KCNIP1: variants seen among roughly 807,000 people sequenced by gnomAD.
The protein encoded by KCNIP1 is A-type potassium channel modulatory protein KCNIP1.
Under a neutral mutation model 33.0 loss-of-function variants are expected in KCNIP1, and 18 were observed. The ratio of observed to expected loss-of-function variants is 0.55; its 90% CI spans 0.38 to 0.81. The LOEUF (loss-of-function observed/expected upper bound fraction) is 0.81. Ranked by LOEUF, KCNIP1 falls within the 30% of genes least tolerant of loss-of-function variation. The pLI is 0.00. For synonymous variants in KCNIP1, 93 were observed against 98.3 expected (o/e 0.95, Z 0.32); for missense variants, 238 against 271.6 (o/e 0.88, Z 0.87).
At chr5:170,368,333 C>A (rs1763752498) in intron 1 of KCNIP1, among the ~76,000 whole-genome samples, 1 of 152,138 alleles carries the variant, frequency 6.6e-6, no homozygotes, top group South Asian at 2.1e-4. Context: ...GGCGCAATCT[C>A]AGCTCACTGC....
chr5:170,622,649 C>CAG (rs1759649855), intron 1 of KCNIP1, among the ~76,000 whole-genome samples: 1 of 145,256 alleles, frequency 6.9e-6, no homozygotes, highest in South Asian at 2.2e-4. Flanking sequence ...AGAGTGGATA[C>CAG]AGAGAGGCAG....
intron 1 of KCNIP1, among the ~76,000 whole-genome samples, chr5:170,374,336 C>T (rs879291429): frequency 6.6e-6 from 1 of 152,190 alleles, no homozygotes; most frequent in Non-Finnish European, 1.5e-5. Flanking sequence ...CACCAAGTTC[C>T]TTGCAGGCAA....
intron 1 of KCNIP1, among the ~76,000 whole-genome samples, chr5:170,618,587 T>A (rs1407579039): frequency 6.9e-6 from 1 of 144,690 alleles, no homozygotes; most frequent in Admixed American, 6.9e-5. Context: ...ACTGACATTT[T>A]CCCCTTTGCC....
chr5:170,404,682 A>G (rs314145), intron 1 of KCNIP1, among the ~76,000 whole-genome samples: 50,676 of 151,992 alleles, frequency 0.33, 10,328 homozygotes, highest in African/African-American at 0.58. Context: ...CTTGAAACTC[A>G]CACTGTCACT....
intron 1 of KCNIP1, among the ~76,000 whole-genome samples, chr5:170,607,658 C>T (rs1046288531): frequency 6.6e-6 from 1 of 152,214 alleles, no homozygotes; most frequent in East Asian, 1.9e-4. Context: ...ATCCCTGCCT[C>T]CTCAGTGGCT....
chr5:170,680,723 G>A (rs567122319), intron 1 of KCNIP1: 57 of 185,072 alleles, frequency 3.1e-4, no homozygotes, highest in Non-Finnish European at 5.4e-4. Flanking sequence ...ACTGACACAC[G>A]TTTTCTCTGA....
chr5:170,589,226 C>T (rs1465105901), intron 1 of KCNIP1, among the ~76,000 whole-genome samples: 1 of 152,036 alleles, frequency 6.6e-6, no homozygotes, highest in Non-Finnish European at 1.5e-5. Flanking sequence ...GTCTCGATCT[C>T]CTGACCTCTT....
intron 1 of KCNIP1, among the ~76,000 whole-genome samples, chr5:170,603,760 C>G (rs971728088): frequency 6.6e-6 from 1 of 152,190 alleles, no homozygotes; most frequent in Non-Finnish European, 1.5e-5. Context: ...TGGGCCAGGG[C>G]CCCAGCTGAG....
chr5:170,428,770 C>T (rs1296944154), intron 1 of KCNIP1, among the ~76,000 whole-genome samples: 1 of 152,150 alleles, frequency 6.6e-6, no homozygotes, highest in East Asian at 1.9e-4. Flanking sequence ...CCCACCTTTC[C>T]CTTCTCAATG....
At chr5:170,514,323 G>A (rs565502346) in intron 1 of KCNIP1, among the ~76,000 whole-genome samples, 2 of 152,296 alleles carry the variant, frequency 1.3e-5, no homozygotes, top group East Asian at 3.9e-4. Context: ...CCATCTCTGG[G>A]ATTCGCCCAT....
At chr5:170,393,601 G>A (rs1240667327) in intron 1 of KCNIP1, among the ~76,000 whole-genome samples, 1 of 152,202 alleles carries the variant, frequency 6.6e-6, no homozygotes, top group Non-Finnish European at 1.5e-5. Context: ...ATGAGAGACA[G>A]TAATAAAAGG....
chr5:170,488,277 C>A (rs1193976915), intron 1 of KCNIP1, among the ~76,000 whole-genome samples: 1 of 152,120 alleles, frequency 6.6e-6, no homozygotes, highest in Non-Finnish European at 1.5e-5. Context: ...TCAAAAGGAT[C>A]CCAGGAAGGG....
intron 1 of KCNIP1, among the ~76,000 whole-genome samples, chr5:170,579,905 A>G (rs903837615): frequency 6.6e-6 from 1 of 152,034 alleles, no homozygotes; most frequent in Non-Finnish European, 1.5e-5. Context: ...AAAGCTCATT[A>G]CTGGCTTACA....
chr5:170,607,517 G>GT (rs1357583232), intron 1 of KCNIP1, among the ~76,000 whole-genome samples: 1 of 152,184 alleles, frequency 6.6e-6, no homozygotes, highest in Non-Finnish European at 1.5e-5. Context: ...ATGTGACGAG[G>GT]TGCTGAGAGG....
At chr5:170,674,975 G>GTT (rs11299791) in intron 1 of KCNIP1, among the ~76,000 whole-genome samples, 3 of 145,858 alleles carry the variant, frequency 2.1e-5, no homozygotes, top group African/African-American at 5.0e-5. Flanking sequence ...GTTTTGTTTT[G>GTT]TTTTTTTTTT....
At chr5:170,668,840 CA>C in intron 1 of KCNIP1, among the ~76,000 whole-genome samples, 1 of 152,356 alleles carries the variant, frequency 6.6e-6, no homozygotes, top group East Asian at 1.9e-4. Context: ...ATGGGCCCTG[CA>C]CCACACTTGC....
chr5:170,429,464 T>C (rs1390900318), intron 1 of KCNIP1, among the ~76,000 whole-genome samples: 1 of 152,188 alleles, frequency 6.6e-6, no homozygotes, highest in Admixed American at 6.5e-5. Context: ...TTTTTGTTTT[T>C]CAAATTCTTG....
chr5:170,423,679 G>A (rs750397024), intron 1 of KCNIP1, among the ~76,000 whole-genome samples: 2 of 152,114 alleles, frequency 1.3e-5, no homozygotes, highest in Admixed American at 6.5e-5. Context: ...TTTATGAATC[G>A]GTGAACTTTT....
intron 1 of KCNIP1, among the ~76,000 whole-genome samples, chr5:170,576,751 A>C (rs1757618658): frequency 6.6e-6 from 1 of 152,196 alleles, no homozygotes; most frequent in Non-Finnish European, 1.5e-5. Flanking sequence ...GTACATGCCT[A>C]ACAAATGTTT....
Sources: gnomAD v4.1 joint callset for allele counts (sites outside exome capture counted in the v4.1 genomes callset) on GRCh38, gnomAD v4.1.1 for gene constraint, MANE v1.5 for transcripts, NCBI Gene and HGNC (gene_info 2026-07-23, HGNC 2026-07-21) for gene names.